PPM1E: variants seen among roughly 807,000 people sequenced by gnomAD.
PPM1E encodes protein phosphatase 1E.
PPM1E carries 20 observed loss-of-function variants against 65.9 expected under a neutral mutation model. The ratio of observed to expected loss-of-function variants is 0.30; its 90% CI spans 0.21 to 0.44. The LOEUF is 0.44. PPM1E is among the 20% of genes least tolerant of loss of function. The pLI is 1.00. For synonymous variants in PPM1E, 352 were observed against 374.9 expected (o/e 0.94, Z 0.70); for missense variants, 713 against 953.1 (o/e 0.75, Z 3.32).
At chr17:58,906,089 A>G (rs1300722224) in intron 1 of PPM1E, among the ~76,000 whole-genome samples, 1 of 152,176 alleles carries the variant, frequency 6.6e-6, no homozygotes, top group Non-Finnish European at 1.5e-5. Context: ...TCAAATTTGT[A>G]TCAATTAATT....
At chr17:58,893,858 G>T (rs2051378518) in intron 1 of PPM1E, among the ~76,000 whole-genome samples, 1 of 152,092 alleles carries the variant, frequency 6.6e-6, no homozygotes, top group South Asian at 2.1e-4. Context: ...AACTCCTGAA[G>T]CCAGGAGTTC....
chr17:58,802,776 T>C (rs1291816573), intron 1 of PPM1E, among the ~76,000 whole-genome samples: 1 of 152,160 alleles, frequency 6.6e-6, no homozygotes, highest in Non-Finnish European at 1.5e-5. Flanking sequence ...CCTAAAACTA[T>C]TTTATTACTT....
At chr17:58,768,305 C>G (rs1420916401) in intron 1 of PPM1E, among the ~76,000 whole-genome samples, 1 of 151,980 alleles carries the variant, frequency 6.6e-6, no homozygotes, top group Non-Finnish European at 1.5e-5. Flanking sequence ...GTCTCAAATT[C>G]CTAGGCTCAA....
chr17:58,946,289 G>A (rs143282776), intron 1 of PPM1E, among the ~76,000 whole-genome samples: 2 of 152,250 alleles, frequency 1.3e-5, no homozygotes, highest in East Asian at 3.9e-4. Context: ...CCAAGGCGGA[G>A]GACAAATATT....
intron 1 of PPM1E, among the ~76,000 whole-genome samples, chr17:58,836,848 C>T (rs1488580023): frequency 5.4e-5 from 8 of 148,512 alleles, no homozygotes; most frequent in South Asian, 4.3e-4. Flanking sequence ...GGTGAAACCC[C>T]GTCTCTACTA....
chr17:58,837,419 C>T (rs1167816506), intron 1 of PPM1E, among the ~76,000 whole-genome samples: 1 of 150,600 alleles, frequency 6.6e-6, no homozygotes, highest in African/African-American at 2.4e-5. Context: ...TAAGATTACT[C>T]AGAAAAATTT....
At chr17:58,817,522 A>C (rs895591705) in intron 1 of PPM1E, among the ~76,000 whole-genome samples, 1 of 151,900 alleles carries the variant, frequency 6.6e-6, no homozygotes, top group Non-Finnish European at 1.5e-5. Context: ...GTACTTTTTA[A>C]TTTTTCCAAA....
intron 1 of PPM1E, among the ~76,000 whole-genome samples, chr17:58,814,820 A>C (rs1006621651): frequency 5.3e-5 from 8 of 152,246 alleles, no homozygotes; most frequent in African/African-American, 1.9e-4. Context: ...TATTCTAATA[A>C]AACTTCATTT....
intron 1 of PPM1E, among the ~76,000 whole-genome samples, chr17:58,787,778 G>T (rs1364924481): frequency 1.3e-5 from 2 of 151,674 alleles, no homozygotes; most frequent in African/African-American, 2.4e-5. Flanking sequence ...GTGGTGGCAG[G>T]CGCCTGTAGT....
chr17:58,768,575 C>A (rs905797517), intron 1 of PPM1E, among the ~76,000 whole-genome samples: 1 of 152,106 alleles, frequency 6.6e-6, no homozygotes. Flanking sequence ...AGATAAGAGC[C>A]GTCTAAGGGT....
chr17:58,974,527 G>T (rs925536403), intron 6 of PPM1E, among the ~76,000 whole-genome samples: 12 of 152,222 alleles, frequency 7.9e-5, no homozygotes, highest in South Asian at 2.1e-4. Flanking sequence ...TTCTGTCTTT[G>T]TCTCACTTTG....
chr17:58,825,506 GT>G (rs374648195), intron 1 of PPM1E, among the ~76,000 whole-genome samples: 2 of 146,808 alleles, frequency 1.4e-5, no homozygotes, highest in African/African-American at 2.5e-5. Context: ...TAACATTGGT[GT>G]TTTTTTTTTC....
At chr17:58,885,651 C>G (rs924105505) in intron 1 of PPM1E, among the ~76,000 whole-genome samples, 1 of 152,116 alleles carries the variant, frequency 6.6e-6, no homozygotes, top group Non-Finnish European at 1.5e-5. Flanking sequence ...GGAAGTGTTT[C>G]GGGTCAGTGG....
At chr17:58,782,365 T>C (rs2050058344) in intron 1 of PPM1E, among the ~76,000 whole-genome samples, 1 of 151,952 alleles carries the variant, frequency 6.6e-6, no homozygotes. Flanking sequence ...CAACTAAAAC[T>C]ACTGTGACTT....
Position 58,816,048 on chromosome 17 carries a change from C to T in PPM1E, c.464+59587C>T, listed in dbSNP as rs545690722. 5.3e-5 allele frequency among the ~76,000 whole-genome samples: 8 copies of T among 151,426 alleles called. No individual in the cohort carries two copies. The East Asian group carries it at 5.8e-4, about 11-fold the overall frequency. On this transcript the variant is annotated intron_variant, in intron 1 of 6. Transcript: ENST00000308249. ...TTCTTTTTTTTTGTTTTTTTGGAGT[C>T]GGAGTCTTGCTCTGTTGCCCAGGCT...
At chr17:58,889,318 A>G (rs1286669950) in intron 1 of PPM1E, among the ~76,000 whole-genome samples, 1 of 152,052 alleles carries the variant, frequency 6.6e-6, no homozygotes, top group Non-Finnish European at 1.5e-5. Flanking sequence ...AAATCATTTT[A>G]GGCCAGGTGC....
intron 1 of PPM1E, among the ~76,000 whole-genome samples, chr17:58,901,800 T>C (rs1275720686): frequency 6.6e-6 from 1 of 151,878 alleles, no homozygotes; most frequent in East Asian, 1.9e-4. Context: ...AACATAGAGA[T>C]ACCGTGTCTC....
chr17:58,767,950 A>G (rs1346841327), intron 1 of PPM1E, among the ~76,000 whole-genome samples: 3 of 149,462 alleles, frequency 2.0e-5, no homozygotes, highest in African/African-American at 7.4e-5. Context: ...CCTAAAATTT[A>G]TACTTATTTA....
intron 1 of PPM1E, among the ~76,000 whole-genome samples, chr17:58,776,951 G>C (rs897746359): frequency 2.6e-5 from 4 of 152,052 alleles, no homozygotes; most frequent in African/African-American, 9.7e-5. Flanking sequence ...AAGATTATAG[G>C]GCTGGGTGCA....
Sources: gnomAD v4.1 joint callset for allele counts (sites outside exome capture counted in the v4.1 genomes callset) on GRCh38, gnomAD v4.1.1 for gene constraint, MANE v1.5 for transcripts, NCBI Gene and HGNC (gene_info 2026-07-23, HGNC 2026-07-21) for gene names.